Variants in RMND1 observed in about 807,000 individuals in gnomAD.
The protein encoded by RMND1 is required for meiotic nuclear division 1 homolog.
A neutral mutation model predicts 54.0 loss-of-function variants in RMND1; 41 were observed. The observed-to-expected ratio is 0.76, with a 90% CI of 0.59 to 0.98. The LOEUF (loss-of-function observed/expected upper bound fraction) is 0.98. RMND1 is among the 50% of genes least tolerant of loss of function. The pLI is 0.00. For synonymous variants in RMND1, 183 were observed against 181.7 expected (o/e 1.01, Z -0.06); for missense variants, 457 against 532.0 (o/e 0.86, Z 1.39).
At position 151,449,340 on chromosome 6, in the gene RMND1, G is replaced by T. The variant is rs1162661087; in HGVS notation, c.-15+2676C>A. On this transcript the variant is annotated intron_variant, in intron 1 of 11. Coordinates refer to ENST00000444024, the MANE Select transcript of RMND1 (RefSeq NM_017909.4). Reference sequence around the variant, plus strand: ...GCCGAGATCGCGCCACTGCACTAAAGTCTGGGCGACAGAGTGAGATTCTGT... The same window carrying T: ...GCCGAGATCGCGCCACTGCACTAAATTCTGGGCGACAGAGTGAGATTCTGT... 7.4e-5 allele frequency among the ~76,000 whole-genome samples: 11 copies of T among 147,788 alleles called. No homozygotes were observed. In the East Asian group the frequency reaches 2.2e-3, roughly 30 times the overall value.
At chr6:151,448,826 C>CGCCT (rs1475138623) in intron 1 of RMND1, among the ~76,000 whole-genome samples, 1 of 152,212 alleles carries the variant, frequency 6.6e-6, no homozygotes, top group Non-Finnish European at 1.5e-5. Context: ...TGGCGGCTCA[C>CGCCT]GCCTGTAATC....
intron 4 of RMND1, among the ~76,000 whole-genome samples, chr6:151,431,941 T>C (rs144297244): frequency 9.9e-5 from 15 of 151,788 alleles, no homozygotes; most frequent in East Asian, 3.9e-4. Context: ...TTCTTTCTTT[T>C]TTTTTTTTTC....
chr6:151,442,575 C>T (rs1294993697), intron 2 of RMND1, among the ~76,000 whole-genome samples: 2 of 152,138 alleles, frequency 1.3e-5, no homozygotes, highest in African/African-American at 4.8e-5. Flanking sequence ...GTCGCCCAGG[C>T]TGGACGGAGC....
chr6:151,418,562 T>A (rs112976350), intron 9 of RMND1: 1 of 152,266 alleles, frequency 6.6e-6, no homozygotes. Context: ...GCTCAAGTGA[T>A]CTTCCTGCCT....
chr6:151,423,625 C>T lies in RMND1; in HGVS notation c.837G>A (p.Gln279=), dbSNP rs1260273858. 1.2e-6 allele frequency: 2 copies of T among 1,609,912 alleles called. No individual in the cohort carries two copies. Among genetic ancestry groups the T allele is most frequent in the South Asian group, 1.1e-5 (1 of 90,992 alleles). ...EELNYIKIEG[Q]SKLHRGEIKL... The stretch of plus-strand genomic sequence containing the variant: ...TGATTTCCCCCCTGTGAAGTTTTGA[C>T]TGTCCCCTGTGAAAAGCAAAAAGAT... The change falls in exon 7 of 12, where the codon CAG becomes CAA. Residue 279 remains glutamine, a synonymous_variant. Transcript: ENST00000444024.
Position 151,422,564 on chromosome 6 carries a change from C to A in RMND1, c.979G>T (p.Glu327Ter). ...IWEASLDKFI[E>*]SIQSIPEALK... ...ACCTCAGGAATTGACTGAATAGATT[C>A]AATAAATTTATCCAGTGATGCTTCC... Residue 327 changes from glutamate (E) to a stop codon, truncating the protein, a stop_gained, in exon 8 of 12, where the codon GAA becomes TAA. Transcript: ENST00000444024. LOFTEE classifies it high-confidence loss of function. The A allele has an allele frequency of 1.3e-6, 2 of 1,536,140 alleles. No homozygotes were observed. Among genetic ancestry groups the A allele is most frequent in the South Asian group, 1.2e-5 (1 of 80,868 alleles).
intron 3 of RMND1, among the ~76,000 whole-genome samples, chr6:151,434,472 A>G (rs1780542796): frequency 6.6e-6 from 1 of 151,712 alleles, no homozygotes; most frequent in Non-Finnish European, 1.5e-5. Context: ...TTGCCTACAC[A>G]GCCAAAAGCA....
At chr6:151,424,039 T>C (rs914755121) in intron 6 of RMND1, among the ~76,000 whole-genome samples, 3 of 151,884 alleles carry the variant, frequency 2.0e-5, no homozygotes, top group African/African-American at 4.8e-5. Context: ...TTAATAGAGA[T>C]AGAGTTTCAC....
Position 151,452,112 on chromosome 6 carries a change from G to T in RMND1, c.-111C>A, listed in dbSNP as rs899458360. 3 of 196,430 alleles carry T rather than the reference G, an allele frequency of 1.5e-5. No homozygotes were observed. The highest frequency in any genetic ancestry group is 3.2e-5 in the Non-Finnish European group (3 of 94,300). The allele number at this position is 196,430 out of a possible 1,614,324, so 12.2% of individuals were successfully genotyped here. A position where few individuals can be genotyped will look rare whatever the true frequency, so the allele number is the denominator to read the frequency against. On this transcript the variant is annotated 5_prime_UTR_variant, in exon 1 of 12. It adds an upstream start codon to the 5' untranslated region. Transcript: ENST00000444024. ...GCACCCCCAGCCTCTCACTACTGCA[G>T]CCAACCCATCTCCTGGAAGGGCGCT...
At chr6:151,418,435 T>C (rs944450842) in intron 9 of RMND1, 2 of 152,054 alleles carry the variant, frequency 1.3e-5, no homozygotes, top group East Asian at 1.9e-4. Flanking sequence ...AAATTTAATA[T>C]GTCCACACTT....
At chr6:151,427,418 C>A in intron 6 of RMND1, 64 bp downstream of exon 6, 1 of 971,026 alleles carries the variant, frequency 1.0e-6, no homozygotes, top group Non-Finnish European at 1.6e-6. Context: ...AATTTGTCTC[C>A]TCTATTGCTT....
intron 10 of RMND1, among the ~76,000 whole-genome samples, chr6:151,415,708 G>A (rs1047840257): frequency 6.7e-6 from 1 of 150,352 alleles, no homozygotes; most frequent in African/African-American, 2.5e-5. Context: ...CAGGAGAATG[G>A]CGTGAACCCG....
At chr6:151,410,698 G>C (rs1371994242) in intron 10 of RMND1, among the ~76,000 whole-genome samples, 1 of 152,172 alleles carries the variant, frequency 6.6e-6, no homozygotes, top group Non-Finnish European at 1.5e-5. Flanking sequence ...TATTATTCTG[G>C]AATAGTTGAA....
At chr6:151,409,214 G>T (rs890977989) in intron 10 of RMND1, among the ~76,000 whole-genome samples, 1 of 152,212 alleles carries the variant, frequency 6.6e-6, no homozygotes, top group African/African-American at 2.4e-5. Context: ...AACATTAATA[G>T]TTGGGGGCTT....
chr6:151,433,280 T>C, intron 3 of RMND1, 50 bp from the exon 4 acceptor site: 5 of 1,231,736 alleles, frequency 4.1e-6, no homozygotes, highest in Non-Finnish European at 6.0e-6. Context: ...GTAACACAAG[T>C]TGTAAGAGTC....
chr6:151,407,678 C>T (rs1779673520), intron 10 of RMND1, among the ~76,000 whole-genome samples: 1 of 152,066 alleles, frequency 6.6e-6, no homozygotes, highest in Non-Finnish European at 1.5e-5. Flanking sequence ...GAGGCTGGGG[C>T]AGGAGGATCA....
Position 151,436,502 on chromosome 6 carries a change from T to C in RMND1, c.557A>G (p.Asn186Ser). The change falls in exon 3 of 12, where the codon AAT becomes AGT. Residue 186 changes from asparagine to serine, a missense_variant. Transcript: ENST00000444024. The part of the protein sequence containing the change: ...FATADEYHLG[N>S]LSQDLASHGY... Reference sequence around the variant, plus strand: ...GTGGGAGGCCAGATCTTGAGACAGATTTCCCAGATGATACTCATCTGCCGT... The same window carrying C: ...GTGGGAGGCCAGATCTTGAGACAGACTTCCCAGATGATACTCATCTGCCGT... 1 of 1,614,018 alleles carries C rather than the reference T, an allele frequency of 6.2e-7. No homozygotes were observed. Among genetic ancestry groups the C allele is most frequent in the Non-Finnish European group, 8.5e-7 (1 of 1,179,904 alleles).
intron 6 of RMND1, among the ~76,000 whole-genome samples, chr6:151,426,441 C>G (rs555165043): frequency 6.6e-6 from 1 of 152,220 alleles, no homozygotes; most frequent in African/African-American, 2.4e-5. Context: ...AACTGGTACA[C>G]CAGGTCCCAC....
chr6:151,405,624 G>C lies in RMND1; in HGVS notation c.1317+96C>G, dbSNP rs144734502. On this transcript the variant is annotated intron_variant, in intron 11 of 11. Transcript: ENST00000444024. ...TGATAACAAAGTCAGCCTCTTTTCT[G>C]CTAATAATTTTCTATCTCAAACTAT... 1.8e-3 allele frequency: 1,207 copies of C among 683,916 alleles called. 7 individuals are homozygous for C. In the African/African-American group the frequency reaches 0.02, roughly 11 times the overall value. The allele number at this position is 683,916 out of a possible 1,614,324, so 42.4% of individuals were successfully genotyped here. A position where few individuals can be genotyped will look rare whatever the true frequency, so the allele number is the denominator to read the frequency against.
Sources: gnomAD v4.1 joint callset for allele counts (sites outside exome capture counted in the v4.1 genomes callset) on GRCh38, gnomAD v4.1.1 for gene constraint, MANE v1.5 for transcripts, NCBI Gene and HGNC (gene_info 2026-07-23, HGNC 2026-07-21) for gene names.